The following MMS19 variants were observed in gnomAD, a reference collection of about 807,000 sequenced individuals.
The protein encoded by MMS19 is MMS19 nucleotide excision repair protein homolog.
In MMS19, 77 loss-of-function variants were observed where a neutral mutation model predicts 129.8. The observed-to-expected ratio is 0.59, with a 90% CI of 0.49 to 0.72. The LOEUF is 0.72. MMS19 is among the 30% of genes least tolerant of loss of function. MMS19 has a pLI of 0.00. For missense variants in MMS19, 1,168 were observed against 1,266.3 expected (o/e 0.92, Z 1.18); for synonymous variants, 491 against 502.8 (o/e 0.98, Z 0.31).
intron 1 of MMS19, among the ~76,000 whole-genome samples, chr10:97,486,862 C>CATGTATATATATATATATATAT (rs2037941238): frequency 1.2e-5 from 1 of 85,080 alleles, no homozygotes; most frequent in Non-Finnish European, 2.6e-5. Context: ...ATTAAAGTGC[C>CATGTATATATATATATATATAT]ATATATATAT....
At chr10:97,490,064 C>T (rs2038615208) in intron 1 of MMS19, among the ~76,000 whole-genome samples, 1 of 152,168 alleles carries the variant, frequency 6.6e-6, no homozygotes, top group Non-Finnish European at 1.5e-5. Context: ...TTAAACTCCA[C>T]CTCCTGGAGG....
chr10:97,461,982 A>C (rs1564621435), intron 21 of MMS19, 35 bp downstream of exon 21: 9 of 1,567,562 alleles, frequency 5.7e-6, no homozygotes, highest in South Asian at 1.2e-5. Context: ...CTAAAAAAAA[A>C]CCAGCTTGAA....
intron 12 of MMS19, among the ~76,000 whole-genome samples, 167 bp downstream of exon 12, chr10:97,468,799 A>G (rs971713560): frequency 1.3e-5 from 2 of 151,996 alleles, no homozygotes; most frequent in Admixed American, 1.3e-4. Context: ...AGTAGAGACG[A>G]GGTTTCACCA....
Position 97,461,016 on chromosome 10 carries a change from G to A in MMS19, c.2312-9C>T. 1 of 1,548,130 alleles carries A rather than the reference G, an allele frequency of 6.5e-7. No individual in the cohort carries two copies. The highest frequency in any genetic ancestry group is 8.7e-7 in the Non-Finnish European group (1 of 1,143,710). ...TTCATCCAGCTGCTGCCCTAAAAAG[G>A]AGAGAGGAAATGCTGACATAAAGGC... On this transcript the variant is annotated splice_polypyrimidine_tract_variant and intron_variant, in intron 23 of 30. Coordinates refer to ENST00000438925, the MANE Select transcript of MMS19 (RefSeq NM_022362.5).
intron 8 of MMS19, among the ~76,000 whole-genome samples, chr10:97,476,202 T>A (rs1039267839): frequency 6.6e-6 from 1 of 152,214 alleles, no homozygotes; most frequent in Non-Finnish European, 1.5e-5. Context: ...TGTGCCTTCT[T>A]TGTTTTGTCA....
intron 8 of MMS19, among the ~76,000 whole-genome samples, chr10:97,475,928 A>C (rs1234713059): frequency 6.6e-6 from 1 of 152,260 alleles, no homozygotes; most frequent in Non-Finnish European, 1.5e-5. Flanking sequence ...CCCCAGTAAC[A>C]TAATGTCAAC....
Position 97,477,110 on chromosome 10 carries a change from A to T in MMS19, c.494-147T>A. 1.3e-6 allele frequency: 2 copies of T among 1,509,850 alleles called. 1 individual carries two copies. The highest frequency in any genetic ancestry group is 2.7e-5 in the South Asian group (2 of 73,346). The allele number at this position is 1,509,850 out of a possible 1,614,324, so 93.5% of individuals were successfully genotyped here. A position where few individuals can be genotyped will look rare whatever the true frequency, so the allele number is the denominator to read the frequency against. The stretch of plus-strand genomic sequence containing the variant: ...TTCCATTCCAAGAAAGTACTCAGTG[A>T]AGAGATGTGCAACAATATACACATT... On this transcript the variant is annotated intron_variant, in intron 6 of 30. Coordinates refer to ENST00000438925, the MANE Select transcript of MMS19 (RefSeq NM_022362.5).
intron 4 of MMS19, 38 bp from the exon 5 acceptor site, chr10:97,477,967 T>C (rs749258487): frequency 3.5e-6 from 5 of 1,408,764 alleles, no homozygotes; most frequent in Admixed American, 2.3e-5. Context: ...ACCGAAGGAA[T>C]TGCAGCATGG....
intron 1 of MMS19, among the ~76,000 whole-genome samples, chr10:97,495,792 G>GT (rs986542016): frequency 3.9e-5 from 6 of 151,974 alleles, no homozygotes; most frequent in African/African-American, 1.2e-4. Context: ...TTTTCTTTTT[G>GT]TTTTTTTGAG....
At chr10:97,461,041 C>A (rs1564618224) in intron 23 of MMS19, 34 bp from the exon 24 acceptor site, 1 of 1,485,364 alleles carries the variant, frequency 6.7e-7, no homozygotes, top group Non-Finnish European at 9.1e-7. Flanking sequence ...GACATAAAGG[C>A]TACACATTTT....
At chr10:97,468,008 A>G (rs1315217553) in intron 13 of MMS19, among the ~76,000 whole-genome samples, 1 of 151,300 alleles carries the variant, frequency 6.6e-6, no homozygotes, top group African/African-American at 2.4e-5. Flanking sequence ...TAGAGATGGG[A>G]TCTCACTTTG....
chr10:97,485,186 T>C (rs1047301978), intron 1 of MMS19, among the ~76,000 whole-genome samples: 2 of 152,160 alleles, frequency 1.3e-5, no homozygotes, highest in Admixed American at 6.5e-5. Flanking sequence ...TAGAGTGCAA[T>C]GGTGTGATCT....
intron 1 of MMS19, among the ~76,000 whole-genome samples, chr10:97,490,433 A>T (rs1174997813): frequency 6.6e-6 from 1 of 152,196 alleles, no homozygotes; most frequent in Non-Finnish European, 1.5e-5. Flanking sequence ...GAAGAGAAGC[A>T]TCTTAGAATG....
intron 1 of MMS19, among the ~76,000 whole-genome samples, chr10:97,488,363 T>C (rs956998441): frequency 6.6e-6 from 1 of 152,218 alleles, no homozygotes; most frequent in Non-Finnish European, 1.5e-5. Context: ...TGCAACCCTA[T>C]ATTGAGGGCA....
chr10:97,481,163 G>T, intron 2 of MMS19, 121 bp from the exon 3 acceptor site: 1 of 696,522 alleles, frequency 1.4e-6, no homozygotes. Context: ...GCCCTGTTAA[G>T]AGTAAAAACA....
chr10:97,492,698 A>G (rs1436188762), intron 1 of MMS19, among the ~76,000 whole-genome samples: 1 of 151,420 alleles, frequency 6.6e-6, no homozygotes, highest in Non-Finnish European at 1.5e-5. Flanking sequence ...AAAAAAAAAA[A>G]AAATAGAAAA....
intron 12 of MMS19, 56 bp from the exon 13 acceptor site, chr10:97,468,462 C>T (rs1259591039): frequency 6.6e-7 from 1 of 1,506,342 alleles, no homozygotes; most frequent in African/African-American, 1.4e-5. Flanking sequence ...GCCTGACTCC[C>T]CTACAGTCCA....
chr10:97,459,435 G>A lies in MMS19; in HGVS notation c.2831C>T (p.Ala944Val). 6.2e-7 allele frequency: 1 copy of A among 1,610,204 alleles called. No homozygotes were observed. Among genetic ancestry groups the A allele is most frequent in the Non-Finnish European group, 8.5e-7 (1 of 1,178,284 alleles). ...LSCLQPLLLE[A>V]PQVMSLHVDT... The stretch of plus-strand genomic sequence containing the variant: ...CACGTGAAGACTCATGACTTGGGGT[G>A]CTTCCAGTAGAAGAGGCTGAAGGCA... Residue 944 changes from alanine (A) to valine (V), a missense_variant, in exon 28 of 31, where the codon GCA becomes GTA. By Grantham distance (64) the Ala-to-Val change is moderately conservative (BLOSUM62 0). This residue lies in a region of MMS19 where 831 missense variants were observed against 910.8 expected (regional missense o/e 0.91). Transcript: ENST00000438925.
In MMS19 at chr10:97,467,503, A is replaced by C; in HGVS notation, c.1297+2T>G. The C allele has an allele frequency of 1.9e-6, 3 of 1,611,632 alleles. No homozygotes were observed. The highest frequency in any genetic ancestry group is 2.5e-6 in the Non-Finnish European group (3 of 1,177,896). ...GAGCACTGCAATGGAAGGCAACCTC[A>C]CCTTTGTCTTCATAGCTCCATTTCT... On this transcript the variant is annotated splice_donor_variant, in intron 14 of 30. Coordinates refer to ENST00000438925, the MANE Select transcript of MMS19 (RefSeq NM_022362.5). LOFTEE classifies it high-confidence loss of function.
Sources: allele counts gnomAD v4.1 joint callset (sites outside exome capture counted in the v4.1 genomes callset), GRCh38; gene constraint gnomAD v4.1.1; regional missense constraint gnomAD v4.1.1; transcripts MANE v1.5; gene names NCBI Gene and HGNC (gene_info 2026-07-23, HGNC 2026-07-21).